SBF2: variants seen among roughly 807,000 people sequenced by gnomAD.
SBF2 encodes the protein SET binding factor 2.
Under a neutral mutation model 225.2 loss-of-function variants are expected in SBF2, and 112 were observed. The ratio of observed to expected loss-of-function variants is 0.50; its 90% confidence interval spans 0.43 to 0.58. The LOEUF is 0.58. SBF2 is among the 20% of genes least tolerant of loss of function. SBF2 has a pLI of 0.00. For synonymous variants in SBF2, 763 were observed against 773.3 expected (o/e 0.99, Z 0.22); for missense variants, 1,996 against 2,206.2 (o/e 0.90, Z 1.91).
intron 16 of SBF2, among the ~76,000 whole-genome samples, chr11:9,937,169 G>T (rs1470861331): frequency 1.3e-5 from 2 of 152,140 alleles, no homozygotes; most frequent in East Asian, 3.9e-4. Context: ...AGATTAAAAG[G>T]GTTTGACACA....
At chr11:10,228,685 G>A (rs2135426803) in intron 1 of SBF2, among the ~76,000 whole-genome samples, 1 of 152,246 alleles carries the variant, frequency 6.6e-6, no homozygotes, top group Non-Finnish European at 1.5e-5. Context: ...TGATCGTGGT[G>A]GATAAGCTTT....
chr11:10,014,350 A>G (rs1459464155), intron 6 of SBF2, among the ~76,000 whole-genome samples: 1 of 152,052 alleles, frequency 6.6e-6, no homozygotes, highest in African/African-American at 2.4e-5. Flanking sequence ...ATTCCATTCC[A>G]TCCCCACAGG....
intron 2 of SBF2, among the ~76,000 whole-genome samples, chr11:10,141,346 A>G (rs565742708): frequency 6.6e-6 from 1 of 152,342 alleles, no homozygotes; most frequent in East Asian, 1.9e-4. Context: ...AGGAGTCATT[A>G]GATAATTTTT....
At chr11:10,127,545 T>G (rs868459377) in intron 2 of SBF2, among the ~76,000 whole-genome samples, 1 of 152,152 alleles carries the variant, frequency 6.6e-6, no homozygotes, top group Non-Finnish European at 1.5e-5. Context: ...CAGTTCTCCA[T>G]GGAGTCTTTC....
At chr11:10,195,875 A>G (rs1243176634) in intron 1 of SBF2, among the ~76,000 whole-genome samples, 1 of 152,198 alleles carries the variant, frequency 6.6e-6, no homozygotes, top group East Asian at 1.9e-4. Context: ...GAGTAAACCA[A>G]CTTTTTATCA....
intron 2 of SBF2, among the ~76,000 whole-genome samples, chr11:10,128,892 G>A (rs762453939): frequency 5.3e-5 from 8 of 151,930 alleles, no homozygotes; most frequent in African/African-American, 9.7e-5. Context: ...TTATTTTCCC[G>A]CTTCTTTTCT....
At chr11:10,079,654 T>G (rs1178794270) in intron 2 of SBF2, among the ~76,000 whole-genome samples, 1 of 152,160 alleles carries the variant, frequency 6.6e-6, no homozygotes, top group East Asian at 1.9e-4. Context: ...TAAAAAAGTT[T>G]GGACACCTGA....
rs564475156 is a variant in SBF2, at chr11:9,817,557, T to C, written c.3794-533A>G. 2.1e-5 allele frequency among the ~76,000 whole-genome samples: 3 copies of C among 143,088 alleles called. No individual in the cohort carries two copies. In the South Asian group the frequency reaches 6.6e-4, roughly 32 times the overall value. 93.9% of individuals were successfully genotyped at this position (143,088 alleles called of 152,430 possible). On this transcript the variant is annotated intron_variant, in intron 28 of 39. Transcript: ENST00000256190. ...ATATTTGTATATCATGCCAAAACGA[T>C]GTAATTCTAAACAAGATTATATTAT... is the stretch of plus-strand genomic sequence containing the variant.
chr11:10,164,445 C>CAA (rs1420491074), intron 2 of SBF2, among the ~76,000 whole-genome samples: 4 of 152,106 alleles, frequency 2.6e-5, no homozygotes, highest in Non-Finnish European at 5.9e-5. Context: ...ATTTCCTATT[C>CAA]AAAAGAAACA....
At chr11:9,873,857 T>C (rs1858992690) in intron 17 of SBF2, among the ~76,000 whole-genome samples, 1 of 152,180 alleles carries the variant, frequency 6.6e-6, no homozygotes, top group Non-Finnish European at 1.5e-5. Flanking sequence ...GAGACCAGAC[T>C]GGCCAACATG....
chr11:10,098,689 A>T (rs866041179), intron 2 of SBF2, among the ~76,000 whole-genome samples: 2 of 147,186 alleles, frequency 1.4e-5, no homozygotes, highest in Non-Finnish European at 3.0e-5. Flanking sequence ...GCACACACAC[A>T]CACACACACA....
chr11:10,231,709 T>C (rs190255921), intron 1 of SBF2, among the ~76,000 whole-genome samples: 10 of 152,272 alleles, frequency 6.6e-5, no homozygotes, highest in African/African-American at 2.4e-4. Context: ...GAGGTGTCAG[T>C]CCACCCCTAC....
chr11:9,895,308 G>T (rs1861155432), intron 17 of SBF2, among the ~76,000 whole-genome samples: 1 of 152,208 alleles, frequency 6.6e-6, no homozygotes, highest in Admixed American at 6.5e-5. Context: ...GCATATTTCA[G>T]AAGGATGTAT....
In SBF2 at chr11:9,780,434, C is replaced by A; in HGVS notation, c.5534G>T (p.Cys1845Phe). 6.2e-7 allele frequency: 1 copy of A among 1,613,998 alleles called. No homozygotes were observed. Among genetic ancestry groups the A allele is most frequent in the Non-Finnish European group, 8.5e-7 (1 of 1,179,900 alleles). The change falls in exon 40 of 40, where the codon TGT becomes TTT. Residue 1845 changes from cysteine to phenylalanine, a missense_variant. Physicochemically the swap from Cys to Phe is radical, Grantham distance 205. Coordinates refer to ENST00000256190, the MANE Select transcript of SBF2 (RefSeq NM_030962.4). The stretch of plus-strand genomic sequence containing the variant: ...CCATGGGCATCAGGCATCAGAGATA[C>A]AACTCTGGATCTTGTCCATCCATTG... Reference protein sequence around the residue: ...AQQWMDKIQSCISDA With the variant: ...AQQWMDKIQSFISDA
chr11:10,173,018 A>G (rs1956272277), intron 2 of SBF2, among the ~76,000 whole-genome samples: 2 of 152,114 alleles, frequency 1.3e-5, no homozygotes, highest in African/African-American at 4.8e-5. Flanking sequence ...TCAGCAGCAT[A>G]TTGTTTAATT....
intron 17 of SBF2, among the ~76,000 whole-genome samples, chr11:9,889,802 C>T: frequency 6.6e-6 from 1 of 152,150 alleles, no homozygotes; most frequent in Non-Finnish European, 1.5e-5. Flanking sequence ...TTTATAGAGA[C>T]AGAAAGCAGA....
intron 2 of SBF2, among the ~76,000 whole-genome samples, chr11:10,056,478 T>C (rs1028291549): frequency 3.9e-5 from 6 of 152,196 alleles, no homozygotes; most frequent in African/African-American, 1.2e-4. Flanking sequence ...GCTGTATTCC[T>C]AGGTAATTAT....
chr11:9,973,341 T>C (rs1946542052), intron 13 of SBF2, among the ~76,000 whole-genome samples: 1 of 152,256 alleles, frequency 6.6e-6, no homozygotes, highest in East Asian at 1.9e-4. Context: ...AATCCGTTAT[T>C]TTCCGACAGT....
chr11:10,246,468 G>C (rs1440292860), intron 1 of SBF2, among the ~76,000 whole-genome samples: 2 of 152,084 alleles, frequency 1.3e-5, no homozygotes, highest in Non-Finnish European at 2.9e-5. Context: ...ATTTTTAGTA[G>C]ACACGGGGTT....
Sources: gnomAD v4.1 joint callset for allele counts (sites outside exome capture counted in the v4.1 genomes callset) on GRCh38, gnomAD v4.1.1 for gene constraint, MANE v1.5 for transcripts, NCBI Gene and HGNC (gene_info 2026-07-23, HGNC 2026-07-21) for gene names.